GRAMD2A: variants seen among roughly 807,000 people sequenced by gnomAD.
The protein encoded by GRAMD2A is GRAM domain-containing protein 2A.
Under a neutral mutation model 51.1 loss-of-function variants are expected in GRAMD2A, and 37 were observed. The ratio of observed to expected loss-of-function variants is 0.72; its 90% CI spans 0.56 to 0.95. The LOEUF (loss-of-function observed/expected upper bound fraction) is 0.95. GRAMD2A is among the 40% of genes least tolerant of loss of function. The pLI, the probability that GRAMD2A is intolerant of heterozygous loss-of-function variation, is 0.00. For missense variants in GRAMD2A, 414 were observed against 426.9 expected (o/e 0.97, Z 0.27); for synonymous variants, 136 against 157.1 (o/e 0.87, Z 1.01).
chr15:72,186,380 A>G lies in GRAMD2A; in HGVS notation c.41+11351T>C, dbSNP rs536467628. 1.7e-4 allele frequency among the ~76,000 whole-genome samples: 25 copies of G among 151,202 alleles called. No individual in the cohort carries two copies. The South Asian group carries it at 5.2e-3, about 31-fold the overall frequency. On this transcript the variant is annotated intron_variant, in intron 1 of 11. Coordinates refer to ENST00000309731, the MANE Select transcript of GRAMD2A (RefSeq NM_001012642.3). ...CGCTCTATCACCCAGGCTGGAGTAC[A>G]GTGGCGCCATCTCGGCTCACTGCAA...
chr15:72,177,202 T>C (rs2081660451), intron 1 of GRAMD2A, among the ~76,000 whole-genome samples: 2 of 151,850 alleles, frequency 1.3e-5, no homozygotes, highest in Admixed American at 6.6e-5. Flanking sequence ...GCCTGAGCTC[T>C]GTCTCAAACC....
Position 72,167,077 on chromosome 15 carries a change from C to G in GRAMD2A, c.388G>C (p.Val130Leu), listed in dbSNP as rs1567082734. The change falls in exon 6 of 12, where the codon GTG becomes CTG. Residue 130 changes from valine (V) to leucine (L), a missense_variant. Transcript: ENST00000309731. ...TGTTTTTTGATCATTTGCACAGACA[C>G]CACAGGAATGACCACCTGAGAGGGA... ...GKDIKVVIPV[V>L]SVQMIKKHKM... The G allele has an allele frequency of 6.2e-7, 1 of 1,613,588 alleles. No individual in the cohort carries two copies. The highest frequency in any genetic ancestry group is 8.5e-7 in the Non-Finnish European group (1 of 1,179,506).
At chr15:72,194,651 T>C (rs543668580) in intron 1 of GRAMD2A, among the ~76,000 whole-genome samples, 87 of 152,180 alleles carry the variant, frequency 5.7e-4, no homozygotes, top group Non-Finnish European at 1.1e-3. Flanking sequence ...AATGGAGATA[T>C]CTGATTCCAA....
At chr15:72,162,098 C>T in intron 11 of GRAMD2A, 86 bp from the exon 12 acceptor site, 5 of 1,547,110 alleles carry the variant, frequency 3.2e-6, no homozygotes, top group Non-Finnish European at 4.5e-6. Context: ...AACTTTACTT[C>T]CCCCAAGAGT....
At chr15:72,188,845 GC>G (rs1301028620) in intron 1 of GRAMD2A, among the ~76,000 whole-genome samples, 1 of 152,066 alleles carries the variant, frequency 6.6e-6, no homozygotes, top group African/African-American at 2.4e-5. Context: ...ACCTCAGCCA[GC>G]TAAATTTTTG....
rs761079822 is a variant in GRAMD2A at position 72,167,060 on chromosome 15, G to C, written c.405C>G (p.Ile135Met). ...GGAGCCGTGCCATCTTGTGTTTTTT[G>C]ATCATTTGCACAGACACCACAGGAA... is the stretch of plus-strand genomic sequence containing the variant. ...VVIPVVSVQM[I>M]KKHKMARLLP... is the part of the protein sequence containing the mutation. Residue 135 changes from isoleucine to methionine, a missense_variant, in exon 6 of 12, where the codon ATC (isoleucine) becomes ATG (methionine). By Grantham distance (10) the Ile-to-Met change is conservative (BLOSUM62 1). Transcript: ENST00000309731. The C allele has an allele frequency of 1.2e-6, 2 of 1,614,006 alleles. No homozygotes were observed. The highest frequency in any genetic ancestry group is 1.6e-4 in the Middle Eastern group (1 of 6,062).
chr15:72,179,524 G>C (rs1481934871), intron 1 of GRAMD2A, among the ~76,000 whole-genome samples: 1 of 152,226 alleles, frequency 6.6e-6, no homozygotes, highest in Non-Finnish European at 1.5e-5. Context: ...GAAGCAGGGG[G>C]CCATGGGCCA....
intron 1 of GRAMD2A, 23 bp downstream of exon 1, chr15:72,197,708 G>A: frequency 2.3e-6 from 3 of 1,308,854 alleles, no homozygotes; most frequent in South Asian, 4.0e-5. Flanking sequence ...CCCGAGACCG[G>A]CCCCCGGGCC....
At chr15:72,184,349 G>A (rs1047381672) in intron 1 of GRAMD2A, among the ~76,000 whole-genome samples, 2 of 152,240 alleles carry the variant, frequency 1.3e-5, no homozygotes, top group East Asian at 1.9e-4. Flanking sequence ...CGCCCGCGGC[G>A]GCACTGATCC....
At chr15:72,181,719 G>C (rs947736765) in intron 1 of GRAMD2A, among the ~76,000 whole-genome samples, 1 of 152,220 alleles carries the variant, frequency 6.6e-6, no homozygotes, top group Non-Finnish European at 1.5e-5. Context: ...GAGACTAAAT[G>C]AGGTAAAAAT....
At chr15:72,179,962 C>T (rs563812932) in intron 1 of GRAMD2A, among the ~76,000 whole-genome samples, 1 of 152,208 alleles carries the variant, frequency 6.6e-6, no homozygotes, top group Non-Finnish European at 1.5e-5. Flanking sequence ...ACACCTGGGC[C>T]ACACCCAGTG....
intron 8 of GRAMD2A, among the ~76,000 whole-genome samples, chr15:72,164,405 T>A: frequency 8.6e-6 from 1 of 116,220 alleles, no homozygotes; most frequent in African/African-American, 3.0e-5. Flanking sequence ...CCTAGGGACA[T>A]CTTTTATTTT....
chr15:72,162,625 G>A (rs11854214), intron 10 of GRAMD2A: 1 of 390,644 alleles, frequency 2.6e-6, no homozygotes. Context: ...GAGCTCTGGG[G>A]GGAGCTCTGG....
chr15:72,177,031 AT>A (rs1360969335), intron 1 of GRAMD2A, among the ~76,000 whole-genome samples: 1 of 150,742 alleles, frequency 6.6e-6, no homozygotes, highest in Non-Finnish European at 1.5e-5. Flanking sequence ...ATGCCCAGCT[AT>A]TTTTTAAAAA....
At chr15:72,192,240 T>C (rs2081773058) in intron 1 of GRAMD2A, among the ~76,000 whole-genome samples, 1 of 152,220 alleles carries the variant, frequency 6.6e-6, no homozygotes, top group African/African-American at 2.4e-5. Flanking sequence ...TATACTATTC[T>C]CTCTCCTTTT....
intron 1 of GRAMD2A, among the ~76,000 whole-genome samples, chr15:72,195,479 T>C (rs2140563688): frequency 6.6e-6 from 1 of 152,224 alleles, no homozygotes; most frequent in Admixed American, 6.5e-5. Flanking sequence ...CAGCAGCTCA[T>C]GGGAGAGCTT....
intron 1 of GRAMD2A, among the ~76,000 whole-genome samples, chr15:72,191,028 A>G (rs531803804): frequency 6.6e-6 from 1 of 152,330 alleles, no homozygotes; most frequent in East Asian, 1.9e-4. Context: ...AAACACATCA[A>G]ATATGTTTAA....
chr15:72,173,931 T>C (rs2081632593), intron 1 of GRAMD2A: 1 of 50,210 alleles, frequency 2.0e-5, no homozygotes, highest in Admixed American at 3.3e-4. Flanking sequence ...TGAAATTCTG[T>C]CTAAAAAAAA....
intron 8 of GRAMD2A, among the ~76,000 whole-genome samples, chr15:72,164,848 C>A (rs576695169): frequency 6.6e-6 from 1 of 152,270 alleles, no homozygotes; most frequent in African/African-American, 2.4e-5. Flanking sequence ...CTCAGAAAGT[C>A]AGCCTATCGG....
Sources: gnomAD v4.1 joint callset for allele counts (sites outside exome capture counted in the v4.1 genomes callset) on GRCh38, gnomAD v4.1.1 for gene constraint, MANE v1.5 for transcripts, NCBI Gene and HGNC (gene_info 2026-07-23, HGNC 2026-07-21) for gene names.